ADGRV1: variants seen among roughly 807,000 people sequenced by gnomAD.
The protein encoded by ADGRV1 is G-protein coupled receptor 98.
Under a neutral mutation model 596.2 loss-of-function variants are expected in ADGRV1, and 359 were observed. That is an observed-to-expected ratio of 0.60 (90% CI 0.55 to 0.66). The LOEUF is 0.66. Ranked by LOEUF, ADGRV1 falls within the 30% of genes least tolerant of loss-of-function variation. ADGRV1 has a pLI of 0.00. For synonymous variants in ADGRV1, 2,681 were observed against 2,679.2 expected (o/e 1.00, Z -0.02); for missense variants, 7,274 against 7,575.6 (o/e 0.96, Z 1.48).
chr5:90,911,765 A>G (rs189525688), intron 83 of ADGRV1, among the ~76,000 whole-genome samples: 1 of 152,174 alleles, frequency 6.6e-6, no homozygotes, highest in African/African-American at 2.4e-5. Flanking sequence ...CTGCATCTTT[A>G]GAAGATTATA....
chr5:90,798,469 G>A (rs774556625), intron 70 of ADGRV1, among the ~76,000 whole-genome samples: 12 of 152,122 alleles, frequency 7.9e-5, no homozygotes, highest in Admixed American at 6.6e-4. Context: ...AGGCCAAGAC[G>A]GATACACCGC....
At chr5:90,622,866 G>A (rs1467365523) in intron 5 of ADGRV1, among the ~76,000 whole-genome samples, 165 bp downstream of exon 5, 2 of 152,018 alleles carry the variant, frequency 1.3e-5, no homozygotes, top group African/African-American at 4.8e-5. Context: ...TCAGAGTCCC[G>A]AGTAGCTAGG....
At position 90,630,745 on chromosome 5, in the gene ADGRV1, G is replaced by A. The variant is rs144641589; in HGVS notation, c.1839+1206G>A. On this transcript the variant is annotated intron_variant, in intron 9 of 89. Transcript: ENST00000405460. The stretch of plus-strand genomic sequence containing the variant: ...ATGTTTCATATTTTGCCTTGATTTT[G>A]TTTTATGATGGATTTATTATTCCTT... Among the ~76,000 whole-genome samples, 428 of 152,208 alleles carry A rather than the reference G, an allele frequency of 2.8e-3. 1 individual carries two copies. The highest frequency in any genetic ancestry group is 9.3e-3 in the African/African-American group (385 of 41,538).
At chr5:90,752,566 C>G (rs996062841) in intron 53 of ADGRV1, among the ~76,000 whole-genome samples, 3 of 152,134 alleles carry the variant, frequency 2.0e-5, no homozygotes, top group African/African-American at 7.2e-5. Context: ...GTTTTCTGTT[C>G]CTGTGTTAGT....
intron 70 of ADGRV1, among the ~76,000 whole-genome samples, chr5:90,797,687 C>T (rs1760900005): frequency 6.6e-6 from 1 of 152,140 alleles, no homozygotes; most frequent in South Asian, 2.1e-4. Flanking sequence ...CTTCTCAGCA[C>T]CTCGTCGCAC....
At position 90,683,607 on chromosome 5, in the gene ADGRV1, C is replaced by G; in HGVS notation, c.5686C>G (p.Leu1896Val). The G allele has an allele frequency of 1.2e-6, 2 of 1,602,090 alleles. No individual in the cohort carries two copies. The highest frequency in any genetic ancestry group is 1.7e-6 in the Non-Finnish European group (2 of 1,170,354). Residue 1896 changes from leucine (L) to valine (V), a missense_variant, in exon 28 of 90, where the codon CTG (leucine) becomes GTG (valine). Physicochemically the swap from Leu to Val is conservative, Grantham distance 32. This residue lies in a region of ADGRV1 where 3,643 missense variants were observed against 3,809.2 expected (regional missense o/e 0.96). Coordinates refer to ENST00000405460, the MANE Select transcript of ADGRV1 (RefSeq NM_032119.4). The part of the protein sequence containing the change: ...TLNVIRHHGT[L>V]SPVTLHWNID... ...GTAGGTTATAAGACATCATGGAACT[C>G]TGTCTCCAGTGACTTTGCATTGGAA...
chr5:91,060,400 T>TA (rs1787318579), intron 85 of ADGRV1, among the ~76,000 whole-genome samples: 27 of 22,838 alleles, frequency 1.2e-3, no homozygotes, highest in Non-Finnish European at 1.8e-3. Context: ...ATATATATAT[T>TA]TTTTTTTTTA....
chr5:90,827,597 G>T (rs1022394955), intron 76 of ADGRV1, among the ~76,000 whole-genome samples: 2 of 152,102 alleles, frequency 1.3e-5, no homozygotes, highest in African/African-American at 2.4e-5. Context: ...ATTCAAGCTC[G>T]CTTGGCCATA....
intron 83 of ADGRV1, among the ~76,000 whole-genome samples, chr5:90,949,639 C>G (rs1776890701): frequency 2.0e-5 from 3 of 152,162 alleles, no homozygotes; most frequent in Non-Finnish European, 4.4e-5. Context: ...CACCTTCCCA[C>G]TACAGGGAAA....
chr5:90,614,676 G>A (rs750635673), intron 1 of ADGRV1, 159 bp from the exon 2 acceptor site: 21 of 690,482 alleles, frequency 3.0e-5, no homozygotes, highest in Admixed American at 1.0e-4. Context: ...AACTTCTGTC[G>A]TCACATATTT....
intron 67 of ADGRV1, among the ~76,000 whole-genome samples, chr5:90,786,187 G>T (rs925092740): frequency 2.6e-5 from 4 of 151,680 alleles, no homozygotes; most frequent in African/African-American, 9.7e-5. Context: ...ACTTATAGGT[G>T]GGAATTGAAC....
intron 25 of ADGRV1, among the ~76,000 whole-genome samples, chr5:90,678,405 T>G (rs1744520148): frequency 6.6e-6 from 1 of 151,932 alleles, no homozygotes; most frequent in South Asian, 2.1e-4. Context: ...GTATAACCAC[T>G]TTCTCTTTAT....
At chr5:90,643,729 T>G in intron 13 of ADGRV1, 74 bp from the exon 14 acceptor site, 3 of 1,123,880 alleles carry the variant, frequency 2.7e-6, no homozygotes, top group Non-Finnish European at 3.8e-6. Context: ...TTAATATTCT[T>G]GAATATTTAT....
intron 21 of ADGRV1, among the ~76,000 whole-genome samples, chr5:90,666,858 C>T (rs1448125929): frequency 1.3e-5 from 2 of 151,398 alleles, no homozygotes; most frequent in African/African-American, 4.9e-5. Flanking sequence ...TTTATTTCTC[C>T]TTCACTTATG....
chr5:90,715,052 T>A (rs920590174), intron 42 of ADGRV1, among the ~76,000 whole-genome samples: 1 of 152,240 alleles, frequency 6.6e-6, no homozygotes, highest in African/African-American at 2.4e-5. Flanking sequence ...CACTGTAATA[T>A]TGAGTTTTCC....
At chr5:90,943,154 A>T (rs1030855717) in intron 83 of ADGRV1, among the ~76,000 whole-genome samples, 1 of 139,748 alleles carries the variant, frequency 7.2e-6, no homozygotes, top group East Asian at 2.2e-4. Flanking sequence ...TTTGTCCACA[A>T]TATCTGCACC....
rs1262050919 is a variant in ADGRV1, at chr5:90,855,796, G to A, written c.17650G>A (p.Glu5884Lys). Residue 5884 changes from glutamate (E) to lysine (K), a missense_variant, in exon 82 of 90, where the codon GAA becomes AAA. Coordinates refer to ENST00000405460, the MANE Select transcript of ADGRV1 (RefSeq NM_032119.4). The part of the protein sequence containing the change: ...KVVEETADYV[E>K]CACSHMSVYA... ...GGTTGAGGAAACTGCAGACTATGTG[G>A]AATGTGCCTGTTCACACATGTCTGT... The A allele has an allele frequency of 1.9e-6, 3 of 1,608,326 alleles. No homozygotes were observed. Among genetic ancestry groups the A allele is most frequent in the Middle Eastern group, 1.7e-4 (1 of 6,050 alleles).
intron 84 of ADGRV1, among the ~76,000 whole-genome samples, chr5:90,968,926 T>A (rs913513469): frequency 2.6e-5 from 4 of 152,240 alleles, no homozygotes; most frequent in Non-Finnish European, 4.4e-5. Context: ...TTGTAATTAC[T>A]GAGTTAAGCA....
intron 84 of ADGRV1, among the ~76,000 whole-genome samples, chr5:90,969,292 T>C (rs1778745966): frequency 6.6e-6 from 1 of 152,218 alleles, no homozygotes; most frequent in Non-Finnish European, 1.5e-5. Flanking sequence ...TAAGATAATA[T>C]GTTGTGGCTA....
Sources: gnomAD v4.1 joint callset for allele counts (sites outside exome capture counted in the v4.1 genomes callset) on GRCh38, gnomAD v4.1.1 for gene constraint, gnomAD v4.1.1 regional missense constraint, MANE v1.5 for transcripts, NCBI Gene and HGNC (gene_info 2026-07-23, HGNC 2026-07-21) for gene names.